PHF12: variants seen among roughly 807,000 people sequenced by gnomAD.
PHF12 encodes the protein PHD finger protein 12.
In PHF12, 6 loss-of-function variants were observed where a neutral mutation model predicts 99.8. That is an observed-to-expected ratio of 0.06 (90% confidence interval 0.03 to 0.12). The LOEUF (loss-of-function observed/expected upper bound fraction) is 0.12. Among genes scored for constraint, PHF12 ranks in the 10% least tolerant of loss-of-function variants. The pLI is 1.00. For missense variants in PHF12, 954 were observed against 1,300.1 expected (o/e 0.73, Z 4.09); for synonymous variants, 480 against 514.9 (o/e 0.93, Z 0.92).
At chr17:28,945,690 C>A (rs1037022358) in intron 2 of PHF12, among the ~76,000 whole-genome samples, 2 of 152,168 alleles carry the variant, frequency 1.3e-5, no homozygotes, top group Non-Finnish European at 2.9e-5. Flanking sequence ...CAATCTCAAA[C>A]AGAAAGATGG....
At chr17:28,911,373 G>A in intron 9 of PHF12, 136 bp from the exon 10 acceptor site, 2 of 1,240,294 alleles carry the variant, frequency 1.6e-6, no homozygotes, top group Non-Finnish European at 2.2e-6. Flanking sequence ...ATAGGCTCTG[G>A]AACTCCTAGA....
chr17:28,946,268 C>A (rs961968839), intron 2 of PHF12, among the ~76,000 whole-genome samples: 1 of 152,130 alleles, frequency 6.6e-6, no homozygotes, highest in Admixed American at 6.6e-5. Flanking sequence ...ATCACTTAAT[C>A]AAAAAGACAT....
rs1411080620 is a variant in PHF12, at chr17:28,906,531, G to A, written c.2681-14C>T. The A allele has an allele frequency of 6.3e-7, 1 of 1,587,228 alleles. No individual in the cohort carries two copies. Among genetic ancestry groups the A allele is most frequent in the Non-Finnish European group, 8.6e-7 (1 of 1,162,800 alleles). On this transcript the variant is annotated splice_polypyrimidine_tract_variant and intron_variant, in intron 14 of 14. Transcript: ENST00000332830. The surrounding 1 kb of genome is among the most constrained non-coding windows in gnomAD (Gnocchi z 4.2). ...GCCGGCGGCGCCCTGGGAAAAAGGG[G>A]GATGGTCACAGAAGAGGAACAGTGA... is the stretch of plus-strand genomic sequence containing the variant.
chr17:28,918,651 T>G (rs2040103229), intron 6 of PHF12, among the ~76,000 whole-genome samples: 1 of 152,264 alleles, frequency 6.6e-6, no homozygotes, highest in South Asian at 2.1e-4. Context: ...AGAGATGTCC[T>G]AAACTTCTTT....
At chr17:28,926,652 A>G (rs1396566395) in intron 3 of PHF12, 1 of 646,116 alleles carries the variant, frequency 1.5e-6, no homozygotes, top group Non-Finnish European at 2.3e-6. Flanking sequence ...AGAAAACTCC[A>G]TTTTCCATCA....
At position 28,906,521 on chromosome 17, in the gene PHF12, G is replaced by A; in HGVS notation, c.2681-4C>T. On this transcript the variant is annotated splice_region_variant and splice_polypyrimidine_tract_variant and intron_variant, in intron 14 of 14. Transcript: ENST00000332830. The surrounding 1 kb of genome is among the most constrained non-coding windows in gnomAD (Gnocchi z 4.2). The stretch of plus-strand genomic sequence containing the variant: ...TGTTTCTGGTGCCGGCGGCGCCCTG[G>A]GAAAAAGGGGGATGGTCACAGAAGA... 1 of 1,587,482 alleles carries A rather than the reference G, an allele frequency of 6.3e-7. No homozygotes were observed. Among genetic ancestry groups the A allele is most frequent in the Non-Finnish European group, 8.6e-7 (1 of 1,163,916 alleles).
In PHF12 at chr17:28,924,019, A is replaced by C. The variant is rs765425999; in HGVS notation, c.605T>G (p.Val202Gly). 1.4e-5 allele frequency: 22 copies of C among 1,614,174 alleles called. No individual in the cohort carries two copies. Among genetic ancestry groups the C allele is most frequent in the Non-Finnish European group, 1.9e-5 (22 of 1,180,034 alleles). ...EEPVAAEPDY[V>G]QPQLRRPFEL... ...AAAGGGCCGCCTCAGCTGGGGCTGCACATAGTCTGGCTCCGCTGCTACTGG... is the reference window on the plus strand; with the variant it reads ...AAAGGGCCGCCTCAGCTGGGGCTGCCCATAGTCTGGCTCCGCTGCTACTGG... The change falls in exon 4 of 15, where the codon GTG becomes GGG. Residue 202 changes from valine (V) to glycine (G), a missense_variant. By Grantham distance (109) the Val-to-Gly change is moderately radical. Around this residue, in one of 8 missense-constraint regions of PHF12, gnomAD observed 109 missense variants for 145.4 expected, o/e 0.75. Transcript: ENST00000332830.
chr17:28,920,855 C>A (rs138851537), intron 5 of PHF12, among the ~76,000 whole-genome samples: 1 of 151,706 alleles, frequency 6.6e-6, no homozygotes, highest in Non-Finnish European at 1.5e-5. Context: ...GCCACCACAC[C>A]GGGCCATTGT....
chr17:28,907,769 G>T, intron 12 of PHF12, 97 bp from the exon 13 acceptor site: 2 of 1,159,376 alleles, frequency 1.7e-6, no homozygotes, highest in South Asian at 1.3e-5. Flanking sequence ...TAGCTTCTGG[G>T]TTGGCACTAG....
chr17:28,916,448 G>A (rs1350513222), intron 7 of PHF12, among the ~76,000 whole-genome samples: 2 of 152,180 alleles, frequency 1.3e-5, no homozygotes, highest in African/African-American at 2.4e-5. Flanking sequence ...CACCTGCCTT[G>A]GTCTCCCAAA....
chr17:28,950,167 C>A lies in PHF12; in HGVS notation c.146G>T (p.Arg49Ile). The change falls in exon 2 of 15, where the codon AGA becomes ATA. Residue 49 changes from arginine (R) to isoleucine (I), a missense_variant. Arg to Ile is a moderately conservative substitution (Grantham distance 97). Transcript: ENST00000332830. The surrounding 1 kb of genome is among the most constrained non-coding windows in gnomAD (Gnocchi z 5.7). ...GTCGTGGTTGGTGGCCCTGCCGCTT[C>A]TCCGGGGCTCCTTCTCAGGCTTCCG... ...RSRKPEKEPR[R>I]SGRATNHDSC... 6.2e-7 allele frequency: 1 copy of A among 1,613,940 alleles called. No homozygotes were observed. The highest frequency in any genetic ancestry group is 8.5e-7 in the Non-Finnish European group (1 of 1,180,020).
rs1052423974 is a variant in PHF12, at chr17:28,950,761, G to A, written c.66+134C>T. The A allele has an allele frequency of 1.7e-4, 220 of 1,311,332 alleles. No homozygotes were observed. Among genetic ancestry groups the A allele is most frequent in the Non-Finnish European group, 2.1e-4 (201 of 977,282 alleles). 81.2% of individuals were successfully genotyped at this position (1,311,332 alleles called of 1,614,324 possible). A position where few individuals can be genotyped will look rare whatever the true frequency, so the allele number is the denominator to read the frequency against. ...GCCCCCTAAATTGCAAAGAGGGGAG[G>A]GAGAGGCTAGGTGAGGAAGAATCCC... On this transcript the variant is annotated intron_variant, in intron 1 of 14. Coordinates refer to ENST00000332830, the MANE Select transcript of PHF12 (RefSeq NM_001033561.2). This position sits in a 1 kb window ranked among gnomAD's most constrained non-coding sequence, Gnocchi z 5.7.
chr17:28,925,301 G>A (rs1234213449), intron 3 of PHF12: 1 of 152,240 alleles, frequency 6.6e-6, no homozygotes, highest in East Asian at 1.9e-4. Context: ...CCTCCTCTCA[G>A]GGATATGGTG....
Position 28,924,242 on chromosome 17 carries a change from G to C in PHF12, c.382C>G (p.Arg128Gly). 6.2e-7 allele frequency: 1 copy of C among 1,614,176 alleles called. No individual in the cohort carries two copies. The highest frequency in any genetic ancestry group is 8.5e-7 in the Non-Finnish European group (1 of 1,180,034). Reference sequence around the variant, plus strand: ...GTGTCACTGCTGGGGGATGTAGTCCGTTTGCCAGATTTGTCCACCAGTCCA... The same window carrying C: ...GTGTCACTGCTGGGGGATGTAGTCCCTTTGCCAGATTTGTCCACCAGTCCA... ...VNGLVDKSGK[R>G]TTSPSSDTDL... Residue 128 changes from arginine to glycine, a missense_variant, in exon 4 of 15, where the codon CGG becomes GGG. Arg to Gly is a moderately radical substitution (Grantham distance 125). Around this residue, in one of 8 missense-constraint regions of PHF12, gnomAD observed 109 missense variants for 145.4 expected, o/e 0.75. Transcript: ENST00000332830.
chr17:28,910,892 T>C (rs1567948599), intron 10 of PHF12: 1 of 559,860 alleles, frequency 1.8e-6, no homozygotes, highest in South Asian at 2.3e-5. Context: ...CCCTTCATCT[T>C]TGATTATGTG....
At chr17:28,916,088 T>C (rs534391611) in intron 7 of PHF12, among the ~76,000 whole-genome samples, 2 of 152,384 alleles carry the variant, frequency 1.3e-5, no homozygotes, top group South Asian at 4.1e-4. Flanking sequence ...GGAAAACCTG[T>C]GTCTCCACTG....
At chr17:28,917,224 C>CTCT in intron 7 of PHF12, 61 bp downstream of exon 7, 1 of 1,608,282 alleles carries the variant, frequency 6.2e-7, no homozygotes, top group South Asian at 1.1e-5. Context: ...GACAGTGATC[C>CTCT]TCTGTCTAAC....
intron 2 of PHF12, among the ~76,000 whole-genome samples, chr17:28,943,320 GAAAACTTGCACATA>G (rs1361734678): frequency 6.6e-6 from 1 of 152,130 alleles, no homozygotes; most frequent in African/African-American, 2.4e-5. Flanking sequence ...CAAGAGAAAT[GAAAACTTGCACATA>G]AAAACTTGCA....
intron 5 of PHF12, among the ~76,000 whole-genome samples, chr17:28,920,504 ACTTAT>A (rs961115365): frequency 2.6e-5 from 4 of 152,208 alleles, no homozygotes; most frequent in Non-Finnish European, 5.9e-5. Context: ...CTACTTTTAA[ACTTAT>A]CTTTAGTGAT....
Sources: gnomAD v4.1 joint callset for allele counts (sites outside exome capture counted in the v4.1 genomes callset) on GRCh38, gnomAD v4.1.1 for gene constraint, gnomAD v4.1.1 regional missense constraint, Gnocchi (gnomAD v3.1) non-coding constraint, MANE v1.5 for transcripts, NCBI Gene and HGNC (gene_info 2026-07-23, HGNC 2026-07-21) for gene names.